Variants in ADAMTS18 observed in about 807,000 individuals in gnomAD.
ADAMTS18 encodes ADAM metallopeptidase with thrombospondin type 1 motif 18.
Under a neutral mutation model 165.9 loss-of-function variants are expected in ADAMTS18, and 157 were observed. The observed-to-expected ratio is 0.95, with a 90% CI of 0.83 to 1.08. The LOEUF is 1.08. Among genes scored for constraint, ADAMTS18 ranks in the 50% least tolerant of loss-of-function variants. The probability of loss-of-function intolerance (pLI) is 0.00; values close to 1 mark genes in which losing one functional copy is unlikely to be tolerated. For synonymous variants in ADAMTS18, 782 were observed against 578.2 expected (o/e 1.35, Z -5.06); for missense variants, 2,040 against 1,534.0 (o/e 1.33, Z -5.51).
chr16:77,289,195 T>A (rs1398849746), intron 22 of ADAMTS18, 69 bp downstream of exon 22: 2 of 1,588,334 alleles, frequency 1.3e-6, no homozygotes, highest in East Asian at 2.2e-5. Flanking sequence ...GCTGCACTAC[T>A]AACAAAGTAG....
At chr16:77,396,011 G>T (rs994819205) in intron 3 of ADAMTS18, among the ~76,000 whole-genome samples, 2 of 152,168 alleles carry the variant, frequency 1.3e-5, no homozygotes, top group Non-Finnish European at 2.9e-5. Flanking sequence ...CAGCACCCTA[G>T]GGTAGGGACA....
chr16:77,378,119 G>A (rs1045216711), intron 3 of ADAMTS18, among the ~76,000 whole-genome samples: 3 of 152,008 alleles, frequency 2.0e-5, no homozygotes, highest in Non-Finnish European at 4.4e-5. Flanking sequence ...CTCGAGCTCA[G>A]GAGTTTATCA....
chr16:77,284,143 T>G, intron 22 of ADAMTS18, 72 bp from the exon 23 acceptor site: 1 of 984,138 alleles, frequency 1.0e-6, no homozygotes, highest in South Asian at 1.3e-5. Context: ...TTTTTTGAGA[T>G]GGAGTCTCAC....
At chr16:77,306,370 T>C (rs1349206951) in intron 16 of ADAMTS18, among the ~76,000 whole-genome samples, 2 of 152,200 alleles carry the variant, frequency 1.3e-5, no homozygotes, top group African/African-American at 4.8e-5. Flanking sequence ...GGCTGGAATC[T>C]ACCAACAACT....
intron 6 of ADAMTS18, among the ~76,000 whole-genome samples, chr16:77,363,328 T>C (rs1009860840): frequency 3.4e-4 from 52 of 152,244 alleles, no homozygotes; most frequent in Non-Finnish European, 4.1e-4. Context: ...GGGGATACAG[T>C]AGGTTTACTA....
intron 10 of ADAMTS18, among the ~76,000 whole-genome samples, chr16:77,346,052 C>T (rs1428852): frequency 0.48 from 72,210 of 151,924 alleles, 17,900 homozygotes; most frequent in East Asian, 0.88. Flanking sequence ...GCTCCCAAAG[C>T]GGGTCTTTAC....
At chr16:77,325,718 A>G (rs1208512250) in intron 13 of ADAMTS18, 148 bp downstream of exon 13, 2 of 776,858 alleles carry the variant, frequency 2.6e-6, no homozygotes, top group Non-Finnish European at 3.9e-6. Flanking sequence ...AACAAAACCC[A>G]TGGAATGAAA....
At chr16:77,418,542 C>CAAA (rs1050353095) in intron 3 of ADAMTS18, among the ~76,000 whole-genome samples, 4 of 152,128 alleles carry the variant, frequency 2.6e-5, no homozygotes, top group African/African-American at 9.7e-5. Flanking sequence ...TCCTAACAAA[C>CAAA]CAATATGTCT....
chr16:77,321,641 A>G (rs2056000495), intron 14 of ADAMTS18, among the ~76,000 whole-genome samples: 1 of 152,254 alleles, frequency 6.6e-6, no homozygotes, highest in Non-Finnish European at 1.5e-5. Flanking sequence ...TAACTGGGGA[A>G]AAATAGTATT....
At chr16:77,390,048 G>A (rs139063571) in intron 3 of ADAMTS18, among the ~76,000 whole-genome samples, 1 of 152,242 alleles carries the variant, frequency 6.6e-6, no homozygotes, top group Non-Finnish European at 1.5e-5. Flanking sequence ...TAAGGACTTT[G>A]AGCTTTACCC....
chr16:77,293,917 C>G (rs1003275800), intron 19 of ADAMTS18, among the ~76,000 whole-genome samples: 3 of 151,804 alleles, frequency 2.0e-5, no homozygotes, highest in Non-Finnish European at 4.4e-5. Context: ...AGACCACAAA[C>G]AGGTACTTGT....
In ADAMTS18 at chr16:77,335,789, A is replaced by G. The variant is rs1238460386; in HGVS notation, c.1826T>C (p.Val609Ala). The stretch of plus-strand genomic sequence containing the variant: ...ATTGCAGTGTCTCTCCTGGAACTTG[A>G]CTCCTCCACCACATGTCCGGGAACA... Reference protein sequence around the residue: ...SECSRTCGGGVKFQERHCNNP... With the variant: ...SECSRTCGGGAKFQERHCNNP... The change falls in exon 12 of 23, where the codon GTC (valine) becomes GCC (alanine). Residue 609 changes from valine to alanine, a missense_variant. Transcript: ENST00000282849. 6.2e-7 allele frequency: 1 copy of G among 1,614,060 alleles called. No homozygotes were observed. The highest frequency in any genetic ancestry group is 2.2e-5 in the East Asian group (1 of 44,876).
At chr16:77,296,502 A>T (rs573092951) in intron 18 of ADAMTS18, among the ~76,000 whole-genome samples, 121 of 152,320 alleles carry the variant, frequency 7.9e-4, no homozygotes, top group Non-Finnish European at 6.8e-4. Context: ...GTGTTATTTA[A>T]ATATCTGTCT....
chr16:77,341,843 A>G (rs2056403477), intron 10 of ADAMTS18, 44 bp from the exon 11 acceptor site: 1 of 1,358,278 alleles, frequency 7.4e-7, no homozygotes, highest in Non-Finnish European at 1.0e-6. Context: ...GTGATATACA[A>G]TAAAAACAAA....
At chr16:77,297,144 A>G in intron 18 of ADAMTS18, 145 bp downstream of exon 18, 2 of 1,235,192 alleles carry the variant, frequency 1.6e-6, no homozygotes, top group Middle Eastern at 2.0e-4. Flanking sequence ...CTAGCTCATC[A>G]TCTTCTATTA....
At chr16:77,337,275 C>G (rs2056325113) in intron 11 of ADAMTS18, among the ~76,000 whole-genome samples, 1 of 152,186 alleles carries the variant, frequency 6.6e-6, no homozygotes, top group Non-Finnish European at 1.5e-5. Flanking sequence ...CACGAGGACT[C>G]TACTGGACTG....
At chr16:77,326,065 T>C in intron 12 of ADAMTS18, 27 bp from the exon 13 acceptor site, 1 of 1,607,386 alleles carries the variant, frequency 6.2e-7, no homozygotes, top group South Asian at 1.1e-5. Context: ...TGAACTTTAA[T>C]GTTAGTAATC....
chr16:77,321,537 T>A (rs982389953), intron 14 of ADAMTS18, among the ~76,000 whole-genome samples: 1 of 152,180 alleles, frequency 6.6e-6, no homozygotes, highest in Non-Finnish European at 1.5e-5. Flanking sequence ...TACACATGCA[T>A]GCATGTGTAC....
chr16:77,363,973 G>A (rs970668503), intron 5 of ADAMTS18, 88 bp from the exon 6 acceptor site: 1 of 1,356,806 alleles, frequency 7.4e-7, no homozygotes, highest in Non-Finnish European at 1.0e-6. Flanking sequence ...AAGTACGCAG[G>A]CTTTAATTTT....
Sources: gnomAD v4.1 joint callset for allele counts (sites outside exome capture counted in the v4.1 genomes callset) on GRCh38, gnomAD v4.1.1 for gene constraint, MANE v1.5 for transcripts, NCBI Gene and HGNC (gene_info 2026-07-23, HGNC 2026-07-21) for gene names.